Variants in CAST observed in about 807,000 individuals in gnomAD.
CAST encodes calpastatin, also known as MIR583 host.
A neutral mutation model predicts 119.6 loss-of-function variants in CAST; 76 were observed. The ratio of observed to expected loss-of-function variants is 0.64; its 90% CI spans 0.53 to 0.77. CAST has a LOEUF of 0.77. Ranked by LOEUF, CAST falls within the 30% of genes least tolerant of loss-of-function variation. The pLI is 0.00. For missense variants in CAST, 953 were observed against 946.5 expected (o/e 1.01, Z -0.09); for synonymous variants, 319 against 331.6 (o/e 0.96, Z 0.41).
At chr5:96,177,823 A>G in the CAST span, among the ~76,000 whole-genome samples, 1 of 152,116 alleles carries the variant, frequency 6.6e-6, no homozygotes, top group Non-Finnish European at 1.5e-5. Context: ...TGGTTCTGCA[A>G]CTCACTCTGG....
the CAST span, among the ~76,000 whole-genome samples, chr5:96,472,802 A>G: frequency 3.3e-4 from 50 of 152,356 alleles, no homozygotes; most frequent in African/African-American, 1.1e-3. Context: ...ACTATTTTAG[A>G]TTCCAAATCT....
At chr5:96,691,380 A>G (rs950172562) in intron 2 of CAST, among the ~76,000 whole-genome samples, 18 of 152,238 alleles carry the variant, frequency 1.2e-4, no homozygotes, top group Middle Eastern at 3.2e-3. Context: ...ACAGTATCCC[A>G]TTATTAGAAT....
the CAST span, chr5:96,215,413 A>C: frequency 6.6e-6 from 1 of 152,202 alleles, no homozygotes; most frequent in African/African-American, 2.4e-5. Context: ...CCAAAGCAAA[A>C]AATGTAGTGA....
At chr5:96,477,064 A>G in the CAST span, among the ~76,000 whole-genome samples, 1 of 129,916 alleles carries the variant, frequency 7.7e-6, no homozygotes, top group African/African-American at 3.0e-5. Flanking sequence ...CAATGTGCCA[A>G]AACACACACA....
the CAST span, among the ~76,000 whole-genome samples, chr5:96,064,269 T>G: frequency 9.6e-4 from 146 of 152,310 alleles, no homozygotes; most frequent in Non-Finnish European, 9.0e-4. Flanking sequence ...TTCTCTTACC[T>G]CTTCTTACCC....
chr5:96,687,720 T>C (rs1025386999), intron 2 of CAST, among the ~76,000 whole-genome samples: 1 of 152,192 alleles, frequency 6.6e-6, no homozygotes, highest in Admixed American at 6.5e-5. Flanking sequence ...AAATCTACAA[T>C]TTTGAAGAAA....
chr5:95,997,202 T>G, the CAST span, among the ~76,000 whole-genome samples: 1 of 152,140 alleles, frequency 6.6e-6, no homozygotes, highest in Non-Finnish European at 1.5e-5. Context: ...GATTTTTGAT[T>G]CACATATTTA....
At chr5:96,592,764 C>CTTTTTT (rs763848888) in intron 1 of CAST, among the ~76,000 whole-genome samples, 1 of 146,848 alleles carries the variant, frequency 6.8e-6, no homozygotes, top group Non-Finnish European at 1.5e-5. Context: ...GTTTTATTTT[C>CTTTTTT]TTTTTTTTTT....
chr5:96,341,660 A>G, the CAST span, among the ~76,000 whole-genome samples: 6 of 152,076 alleles, frequency 3.9e-5, no homozygotes, highest in Admixed American at 3.9e-4. Context: ...ACTTTCAGAT[A>G]ATGACTTCAA....
chr5:96,701,591 G>A (rs2150316944), intron 3 of CAST, among the ~76,000 whole-genome samples: 1 of 152,210 alleles, frequency 6.6e-6, no homozygotes, highest in African/African-American at 2.4e-5. Context: ...GATCACTTCA[G>A]GTCAGGAGTT....
chr5:96,122,271 G>A, the CAST span, among the ~76,000 whole-genome samples: 9 of 152,186 alleles, frequency 5.9e-5, no homozygotes, highest in Non-Finnish European at 1.0e-4. Flanking sequence ...CAGAAGTAGA[G>A]TAAAAATTTT....
At chr5:96,379,191 C>T in the CAST span, among the ~76,000 whole-genome samples, 228 of 152,166 alleles carry the variant, frequency 1.5e-3, no homozygotes, top group African/African-American at 5.1e-3. Flanking sequence ...TGTTTCACCA[C>T]GTTCATTGAT....
At chr5:96,418,198 C>T in the CAST span, among the ~76,000 whole-genome samples, 1 of 152,170 alleles carries the variant, frequency 6.6e-6, no homozygotes, top group Non-Finnish European at 1.5e-5. Context: ...CACCTCCAAA[C>T]GTTGAGAGAA....
the CAST span, among the ~76,000 whole-genome samples, chr5:95,994,529 A>C: frequency 2.0e-5 from 3 of 152,090 alleles, no homozygotes; most frequent in African/African-American, 7.2e-5. Flanking sequence ...GAAATATTCT[A>C]TGACTTGATT....
intron 2 of CAST, among the ~76,000 whole-genome samples, chr5:96,679,827 G>A (rs1018592780): frequency 2.0e-5 from 3 of 151,512 alleles, no homozygotes; most frequent in South Asian, 2.1e-4. Context: ...TTTTAATAAA[G>A]TTAGACTTTT....
chr5:96,543,063 A>G (rs1346705345), intron 1 of CAST, among the ~76,000 whole-genome samples: 2 of 152,218 alleles, frequency 1.3e-5, no homozygotes, highest in African/African-American at 4.8e-5. Context: ...CAATCATTCT[A>G]CTATAAAGAC....
chr5:96,203,940 G>T, the CAST span, among the ~76,000 whole-genome samples: 1 of 152,084 alleles, frequency 6.6e-6, no homozygotes, highest in African/African-American at 2.4e-5. Context: ...CCGGGCTGAT[G>T]AGTAATGGTG....
chr5:96,346,054 A>C, the CAST span, among the ~76,000 whole-genome samples: 1 of 152,206 alleles, frequency 6.6e-6, no homozygotes, highest in East Asian at 1.9e-4. Flanking sequence ...TGTCACAATG[A>C]TCCAATTGAG....
At chr5:96,123,578 A>T in the CAST span, among the ~76,000 whole-genome samples, 1 of 152,286 alleles carries the variant, frequency 6.6e-6, no homozygotes, top group Middle Eastern at 3.4e-3. Context: ...AAGTCAACTC[A>T]GGGCTATCTA....
Sources: gnomAD v4.1 joint callset for allele counts (sites outside exome capture counted in the v4.1 genomes callset) on GRCh38, gnomAD v4.1.1 for gene constraint, MANE v1.5 for transcripts, NCBI Gene and HGNC (gene_info 2026-07-23, HGNC 2026-07-21) for gene names.